Variants in STX1B observed in about 807,000 individuals in gnomAD.
The protein encoded by STX1B is syntaxin 1B, also known as syntaxin-1B.
STX1B carries 7 observed loss-of-function variants against 39.4 expected under a neutral mutation model. The observed-to-expected ratio is 0.18, with a 90% CI of 0.10 to 0.33. The LOEUF is 0.33. STX1B is among the 10% of genes least tolerant of loss of function. The pLI is 1.00. For synonymous variants in STX1B, 136 were observed against 144.1 expected, an observed-to-expected ratio of 0.94 and a Z score of 0.40; for missense variants, 198 against 383.2, an observed-to-expected ratio of 0.52 and a Z score of 4.04.
chr16:30,998,854 T>C (rs2056609480), intron 4 of STX1B, among the ~76,000 whole-genome samples: 1 of 152,076 alleles, frequency 6.6e-6, no homozygotes, highest in African/African-American at 2.4e-5. Flanking sequence ...AGAGAAACCA[T>C]TGAGCCCAGG....
At chr16:30,993,062 T>G in intron 9 of STX1B, 68 bp downstream of exon 9, 1 of 1,500,422 alleles carries the variant, frequency 6.7e-7, no homozygotes, top group African/African-American at 1.4e-5. Context: ...CCCGCTGCCA[T>G]CACTCACCTC....
rs1567379531 is a variant in STX1B at position 31,001,331 on chromosome 16, A to G, written c.106-138T>C. The stretch of plus-strand genomic sequence containing the variant: ...GCCAGGGAGGGTGCAGGAGCAGGGA[A>G]GTGGGGGACAGGGAAAAGGAAGTTG... On this transcript the variant is annotated intron_variant, in intron 2 of 9. Coordinates refer to ENST00000215095, the MANE Select transcript of STX1B (RefSeq NM_052874.5). This position sits in a 1 kb window ranked among gnomAD's most constrained non-coding sequence, Gnocchi z 5.5. The G allele has an allele frequency of 2.2e-6, 2 of 895,310 alleles. No homozygotes were observed. The highest frequency in any genetic ancestry group is 3.5e-6 in the Non-Finnish European group (2 of 574,048). The allele number at this position is 895,310 out of a possible 1,614,324, so 55.5% of individuals were successfully genotyped here.
Position 30,989,351 on chromosome 16 carries a change from GA to G in STX1B, c.*3469del, listed in dbSNP as rs1479158205. 1.3e-5 allele frequency: 2 copies of G among 151,710 alleles called. No homozygotes were observed. The highest frequency in any genetic ancestry group is 3.9e-4 in the East Asian group (2 of 5,134). The allele number at this position is 151,710 out of a possible 1,614,324, so 9.4% of individuals were successfully genotyped here. A position where few individuals can be genotyped will look rare whatever the true frequency, so the allele number is the denominator to read the frequency against. On this transcript the variant is annotated 3_prime_UTR_variant, in exon 10 of 10. Coordinates refer to ENST00000215095, the MANE Select transcript of STX1B (RefSeq NM_052874.5). ...CTCTGGGGACAGGACATGCAGGGAG[GA>G]AGGGGGGGGCAGGATTTTCCTGTGT...
At chr16:31,007,860 A>G (rs773204755) in intron 1 of STX1B, among the ~76,000 whole-genome samples, 45 of 152,190 alleles carry the variant, frequency 3.0e-4, no homozygotes, top group Non-Finnish European at 5.6e-4. Flanking sequence ...CAACCCTGTG[A>G]AACAGGCACT....
At position 30,993,498 on chromosome 16, in the gene STX1B, G is replaced by A. The variant is rs1433364227; in HGVS notation, c.538-14C>T. ...GTCCATTTTGATCTAGGGTGACGAG[G>A]GAGAGAGCTACAATCACCCTTCTCC... is the stretch of plus-strand genomic sequence containing the variant. On this transcript the variant is annotated splice_polypyrimidine_tract_variant and intron_variant, in intron 7 of 9. Transcript: ENST00000215095. 1.2e-6 allele frequency: 2 copies of A among 1,612,702 alleles called. No individual in the cohort carries two copies. Among genetic ancestry groups the A allele is most frequent in the East Asian group, 2.2e-5 (1 of 44,896 alleles).
At chr16:30,996,356 G>T in intron 7 of STX1B, 1 of 262,732 alleles carries the variant, frequency 3.8e-6, no homozygotes, top group Non-Finnish European at 7.4e-6. Context: ...CCCTCGCTCT[G>T]AGATCTTGCC....
At chr16:31,002,410 A>G (rs570641402) in intron 1 of STX1B, among the ~76,000 whole-genome samples, 2 of 152,220 alleles carry the variant, frequency 1.3e-5, no homozygotes, top group East Asian at 1.9e-4. Context: ...AGAAGAGCTG[A>G]CACCCAAGGC....
At position 31,010,316 on chromosome 16, in the gene STX1B, TCCC is replaced by T. The variant is rs765470860; in HGVS notation, c.30+48_30+50del. 8.6e-5 allele frequency: 24 copies of T among 279,132 alleles called. 2 individuals carry two copies. Among genetic ancestry groups the T allele is most frequent in the South Asian group, 6.1e-4 (7 of 11,558 alleles). 17.3% of individuals were successfully genotyped at this position (279,132 alleles called of 1,614,324 possible). ...CCTCCCCCACTCCATCCCCACGCGC[TCCC>T]CCAATATTGGGGTCCCGCCCCCCCA... On this transcript the variant is annotated intron_variant, in intron 1 of 9. Coordinates refer to ENST00000215095, the MANE Select transcript of STX1B (RefSeq NM_052874.5).
At chr16:30,994,363 C>G (rs2056580395) in intron 7 of STX1B, among the ~76,000 whole-genome samples, 1 of 138,030 alleles carries the variant, frequency 7.2e-6, no homozygotes, top group Non-Finnish European at 1.5e-5. Flanking sequence ...GCAGGAGGAT[C>G]ACTTGAGCCC....
At chr16:30,995,779 C>T (rs1021662134) in intron 7 of STX1B, among the ~76,000 whole-genome samples, 10 of 152,172 alleles carry the variant, frequency 6.6e-5, no homozygotes, top group African/African-American at 2.2e-4. Context: ...GCATGAGCCA[C>T]TGGGCCCGGC....
rs750392809 is a variant in STX1B, at chr16:30,992,811, T to TG, written c.*9dup. ...GGGAAGGGTCTGGGAGAGAGAAGGG[T>TG]GGGGGGGGCCTACAAGCCCAGCGTC... On this transcript the variant is annotated 3_prime_UTR_variant, in exon 10 of 10. Coordinates refer to ENST00000215095, the MANE Select transcript of STX1B (RefSeq NM_052874.5). 1,032 of 1,162,518 alleles carry TG rather than the reference T, an allele frequency of 8.9e-4. 2 individuals are homozygous for TG. The highest frequency in any genetic ancestry group is 7.6e-4 in the Non-Finnish European group (687 of 907,780). The allele number at this position is 1,162,518 out of a possible 1,614,324, so 72.0% of individuals were successfully genotyped here.
rs2056564170 is a variant in STX1B at position 30,992,383 on chromosome 16, A to ACACACG, written c.*437_*438insCGTGTG. ...GATCTGTGGTCTCACGCACGCACAC[A>ACACACG]CACTGTTCACAGAGGACAGAGAGGG... On this transcript the variant is annotated 3_prime_UTR_variant, in exon 10 of 10. Coordinates refer to ENST00000215095, the MANE Select transcript of STX1B (RefSeq NM_052874.5). 2 of 171,964 alleles carry ACACACG rather than the reference A, an allele frequency of 1.2e-5. No homozygotes were observed. The highest frequency in any genetic ancestry group is 2.5e-5 in the Non-Finnish European group (2 of 80,916). 10.7% of individuals were successfully genotyped at this position (171,964 alleles called of 1,614,324 possible). A position where few individuals can be genotyped will look rare whatever the true frequency, so the allele number is the denominator to read the frequency against.
chr16:30,997,961 T>C (rs1332602931), intron 4 of STX1B, among the ~76,000 whole-genome samples: 1 of 152,210 alleles, frequency 6.6e-6, no homozygotes, highest in African/African-American at 2.4e-5. Context: ...CCCTACTTCC[T>C]ACAGCCTCTG....
In STX1B at chr16:30,997,579, C is replaced by T. The variant is rs747898121; in HGVS notation, c.281-4G>A. 6.2e-7 allele frequency: 1 copy of T among 1,605,862 alleles called. No homozygotes were observed. The highest frequency in any genetic ancestry group is 1.1e-5 in the South Asian group (1 of 89,220). ...TGTTCAATGCTTTGCTCGATCGCTG[C>T]GGGAGAGAGGGCGCAGCGATGGGCG... On this transcript the variant is annotated splice_region_variant and splice_polypyrimidine_tract_variant and intron_variant, in intron 4 of 9. Transcript: ENST00000215095.
chr16:30,997,124 G>A (rs1210800486), intron 5 of STX1B, 65 bp from the exon 6 acceptor site: 3 of 1,148,492 alleles, frequency 2.6e-6, no homozygotes, highest in South Asian at 2.5e-5. Context: ...GGGAGTCAGG[G>A]AGCAGAGACC....
intron 1 of STX1B, among the ~76,000 whole-genome samples, chr16:31,007,373 G>A (rs547366356): frequency 2.0e-5 from 3 of 152,116 alleles, no homozygotes; most frequent in East Asian, 1.9e-4. Flanking sequence ...TCTCCCACCC[G>A]ACTCCACAGC....
chr16:31,004,688 A>T (rs1363892122), intron 1 of STX1B, among the ~76,000 whole-genome samples: 3 of 151,970 alleles, frequency 2.0e-5, no homozygotes, highest in Non-Finnish European at 4.4e-5. Flanking sequence ...AAAAAAAAAA[A>T]AAAAAGAACT....
At chr16:31,005,222 T>G (rs1016985130) in intron 1 of STX1B, among the ~76,000 whole-genome samples, 9 of 152,130 alleles carry the variant, frequency 5.9e-5, no homozygotes, top group Non-Finnish European at 1.2e-4. Flanking sequence ...TATTTAGTAA[T>G]GAGTACAGCA....
Position 30,993,134 on chromosome 16 carries a change from C to T in STX1B, c.782G>A (p.Arg261Gln), listed in dbSNP as rs779750229. ...KKAVKYQSKA[R>Q]RKKIMIIICC... ...CAGGCCGCCTGCCCCGCTCACCCTC[C>T]GGGCCTTGCTCTGATATTTCACTGC... Residue 261 changes from arginine to glutamine, a missense_variant, in exon 9 of 10, where the codon CGG becomes CAG. Coordinates refer to ENST00000215095, the MANE Select transcript of STX1B (RefSeq NM_052874.5). 5 of 1,614,188 alleles carry T rather than the reference C, an allele frequency of 3.1e-6. No homozygotes were observed. Among genetic ancestry groups the T allele is most frequent in the Admixed American group, 1.7e-5 (1 of 60,032 alleles).
Sources: gnomAD v4.1 joint callset for allele counts (sites outside exome capture counted in the v4.1 genomes callset) on GRCh38, gnomAD v4.1.1 for gene constraint, Gnocchi (gnomAD v3.1) non-coding constraint, MANE v1.5 for transcripts, NCBI Gene and HGNC (gene_info 2026-07-23, HGNC 2026-07-21) for gene names.